THSD7A: variants seen among roughly 807,000 people sequenced by gnomAD.
THSD7A encodes the protein thrombospondin type 1 domain containing 7A, also known as thrombospondin type-1 domain-containing protein 7A.
Under a neutral mutation model 231.3 loss-of-function variants are expected in THSD7A, and 96 were observed. The ratio of observed to expected loss-of-function variants is 0.41; its 90% CI spans 0.35 to 0.49. The LOEUF (loss-of-function observed/expected upper bound fraction) is 0.49. THSD7A is among the 20% of genes least tolerant of loss of function. The pLI, the probability that THSD7A is intolerant of heterozygous loss-of-function variation, is 0.05. For missense variants in THSD7A, 2,290 were observed against 2,070.2 expected (o/e 1.11, Z -2.06); for synonymous variants, 940 against 743.3 (o/e 1.26, Z -4.30).
intron 13 of THSD7A, among the ~76,000 whole-genome samples, chr7:11,437,911 A>G (rs1362069601): frequency 6.6e-6 from 1 of 152,030 alleles, no homozygotes; most frequent in Non-Finnish European, 1.5e-5. Context: ...TATCAGTTTT[A>G]TCTTGAGTTC....
At chr7:11,827,468 G>A (rs1785065598) in intron 1 of THSD7A, among the ~76,000 whole-genome samples, 1 of 151,682 alleles carries the variant, frequency 6.6e-6, no homozygotes, top group Non-Finnish European at 1.5e-5. Flanking sequence ...AATACTTTTT[G>A]CCACAATCTC....
chr7:11,720,422 A>G (rs548993951), intron 1 of THSD7A, among the ~76,000 whole-genome samples: 31 of 151,700 alleles, frequency 2.0e-4, no homozygotes, highest in Non-Finnish European at 3.4e-4. Flanking sequence ...CAGGAATATG[A>G]ATTTATTGAT....
At chr7:11,399,036 G>A (rs951197181) in intron 23 of THSD7A, among the ~76,000 whole-genome samples, 1 of 152,190 alleles carries the variant, frequency 6.6e-6, no homozygotes, top group Admixed American at 6.5e-5. Flanking sequence ...CCAAAGTCAT[G>A]TGAAAACCCT....
At chr7:11,727,730 CAA>C (rs1202038433) in intron 1 of THSD7A, among the ~76,000 whole-genome samples, 1 of 151,686 alleles carries the variant, frequency 6.6e-6, no homozygotes, top group African/African-American at 2.4e-5. Context: ...CATCTCAAAA[CAA>C]TAATTATAGG....
At position 11,542,947 on chromosome 7, in the gene THSD7A, G is replaced by A; in HGVS notation, c.1609+15C>T. On this transcript the variant is annotated intron_variant, in intron 5 of 27. Transcript: ENST00000423059. ...TTGGTGGGTATAAAAGGCATGTCATGGTCACGTTACCTACCTTTTTTCCCT... is the reference window on the plus strand; with the variant it reads ...TTGGTGGGTATAAAAGGCATGTCATAGTCACGTTACCTACCTTTTTTCCCT... The A allele has an allele frequency of 6.2e-7, 1 of 1,611,160 alleles. No homozygotes were observed. Among genetic ancestry groups the A allele is most frequent in the Non-Finnish European group, 8.5e-7 (1 of 1,178,526 alleles).
At chr7:11,623,127 C>T (rs1262627670) in intron 2 of THSD7A, among the ~76,000 whole-genome samples, 2 of 152,132 alleles carry the variant, frequency 1.3e-5, no homozygotes, top group Non-Finnish European at 2.9e-5. Context: ...TCATCCAGGT[C>T]AGTGCTATTA....
Position 11,462,152 on chromosome 7 carries a change from A to C in THSD7A, c.2369-9T>G. The C allele has an allele frequency of 6.2e-7, 1 of 1,613,356 alleles. No individual in the cohort carries two copies. Among genetic ancestry groups the C allele is most frequent in the Non-Finnish European group, 8.5e-7 (1 of 1,179,566 alleles). On this transcript the variant is annotated splice_polypyrimidine_tract_variant and intron_variant, in intron 9 of 27. Coordinates refer to ENST00000423059, the MANE Select transcript of THSD7A (RefSeq NM_015204.3). ...CCTGATACTGGAGTCCCCTGCAATG[A>C]AGCAGTTTTTTAACCTCTGTACTTT...
intron 6 of THSD7A, among the ~76,000 whole-genome samples, chr7:11,536,085 T>C (rs921691865): frequency 4.6e-5 from 7 of 152,338 alleles, no homozygotes; most frequent in African/African-American, 1.7e-4. Flanking sequence ...AATCTTAATG[T>C]CTGCTACTTG....
At chr7:11,699,442 C>CT (rs1780509357) in intron 1 of THSD7A, among the ~76,000 whole-genome samples, 1 of 151,180 alleles carries the variant, frequency 6.6e-6, no homozygotes, top group African/African-American at 2.4e-5. Flanking sequence ...GGGTATCCAG[C>CT]TATTTATTAG....
At chr7:11,625,223 TTTG>T (rs1370945746) in intron 2 of THSD7A, among the ~76,000 whole-genome samples, 2 of 152,122 alleles carry the variant, frequency 1.3e-5, no homozygotes, top group Non-Finnish European at 1.5e-5. Flanking sequence ...TTAAAATGAT[TTTG>T]TTGTTGTTAT....
intron 4 of THSD7A, among the ~76,000 whole-genome samples, chr7:11,567,384 G>T (rs562470787): frequency 6.9e-4 from 105 of 152,222 alleles, no homozygotes; most frequent in African/African-American, 2.4e-3. Flanking sequence ...AAAAACCGCC[G>T]TCATGATTCA....
chr7:11,793,710 A>T (rs545977038), intron 1 of THSD7A, among the ~76,000 whole-genome samples: 1 of 152,018 alleles, frequency 6.6e-6, no homozygotes, highest in East Asian at 1.9e-4. Context: ...TTCAATTAAG[A>T]ATCCCCAAAT....
intron 6 of THSD7A, among the ~76,000 whole-genome samples, chr7:11,490,607 G>A (rs1309791171): frequency 6.6e-6 from 1 of 151,916 alleles, no homozygotes; most frequent in Non-Finnish European, 1.5e-5. Context: ...TTTGAATAAA[G>A]GTGTGAAAAA....
At position 11,636,080 on chromosome 7, in the gene THSD7A, A is replaced by G. The variant is rs767455862; in HGVS notation, c.1022+50T>C. 3.3e-6 allele frequency: 5 copies of G among 1,514,706 alleles called. No homozygotes were observed. Among genetic ancestry groups the G allele is most frequent in the South Asian group, 1.3e-5 (1 of 78,764 alleles). The allele number at this position is 1,514,706 out of a possible 1,614,324, so 93.8% of individuals were successfully genotyped here. On this transcript the variant is annotated intron_variant, in intron 2 of 27. Transcript: ENST00000423059. The surrounding 1 kb of genome is among the most constrained non-coding windows in gnomAD (Gnocchi z 10.0). ...ATAGTACCGGATATCTTAGGTACTC[A>G]TGATTCTTGACAGACAAGCCTGTGT...
At chr7:11,609,882 A>T (rs1054976661) in intron 2 of THSD7A, among the ~76,000 whole-genome samples, 9 of 152,194 alleles carry the variant, frequency 5.9e-5, no homozygotes, top group African/African-American at 1.9e-4. Context: ...GGAGAGAGTA[A>T]AAAGACCTGC....
chr7:11,797,379 T>G (rs985573515), intron 1 of THSD7A, among the ~76,000 whole-genome samples: 1 of 151,254 alleles, frequency 6.6e-6, no homozygotes, highest in Admixed American at 6.6e-5. Context: ...CCTTCTTTCC[T>G]TCCTGCCTTC....
chr7:11,601,120 C>A (rs1174097321), intron 2 of THSD7A, among the ~76,000 whole-genome samples: 1 of 152,198 alleles, frequency 6.6e-6, no homozygotes, highest in African/African-American at 2.4e-5. Flanking sequence ...TCCTCTCTTA[C>A]AAAACTCTAC....
At chr7:11,747,720 G>A (rs1782357564) in intron 1 of THSD7A, among the ~76,000 whole-genome samples, 1 of 151,868 alleles carries the variant, frequency 6.6e-6, no homozygotes, top group African/African-American at 2.4e-5. Context: ...GGATGGAAAA[G>A]GGGTGTTTGT....
rs879778279 is a variant in THSD7A, at chr7:11,370,642, AATTAC to A, written c.*5147_*5151del. 2.6e-5 allele frequency: 4 copies of A among 152,318 alleles called. No homozygotes were observed. Among genetic ancestry groups the A allele is most frequent in the East Asian group, 1.9e-4 (1 of 5,190 alleles). The allele number at this position is 152,318 out of a possible 1,614,324, so 9.4% of individuals were successfully genotyped here. On this transcript the variant is annotated 3_prime_UTR_variant, in exon 28 of 28. Transcript: ENST00000423059. ...AAGGAAATGTACATAATGTAAAATAAATTACATTACGCAATTTACAAAGTAATATT... is the reference window on the plus strand; with the variant it reads ...AAGGAAATGTACATAATGTAAAATAAATTACGCAATTTACAAAGTAATATT...
Sources: gnomAD v4.1 joint callset for allele counts (sites outside exome capture counted in the v4.1 genomes callset) on GRCh38, gnomAD v4.1.1 for gene constraint, Gnocchi (gnomAD v3.1) non-coding constraint, MANE v1.5 for transcripts, NCBI Gene and HGNC (gene_info 2026-07-23, HGNC 2026-07-21) for gene names.